The following KCNT1 variants were observed in gnomAD, a reference collection of about 807,000 sequenced individuals.
The protein encoded by KCNT1 is potassium sodium-activated channel subfamily T member 1, also known as potassium channel subfamily T member 1.
KCNT1 carries 78 observed loss-of-function variants against 147.8 expected under a neutral mutation model. The ratio of observed to expected loss-of-function variants is 0.53; its 90% CI spans 0.44 to 0.64. KCNT1 has a LOEUF of 0.64. Ranked by LOEUF, KCNT1 falls within the 30% of genes least tolerant of loss-of-function variation. The probability of loss-of-function intolerance (pLI) is 0.00; values close to 1 mark genes in which losing one functional copy is unlikely to be tolerated. For missense variants in KCNT1, 1,419 were observed against 1,750.3 expected, an observed-to-expected ratio of 0.81 and a Z score of 3.38; for synonymous variants, 867 against 748.8, an observed-to-expected ratio of 1.16 and a Z score of -2.58.
intron 20 of KCNT1, among the ~76,000 whole-genome samples, chr9:135,776,479 C>CTAG (rs1466895978): frequency 6.6e-6 from 1 of 152,176 alleles, no homozygotes; most frequent in East Asian, 1.9e-4. Context: ...GTTGCCCAGG[C>CTAG]TAGTCTCGAA....
At chr9:135,765,484 C>T in intron 12 of KCNT1, 140 bp from the exon 13 acceptor site, 1 of 1,027,312 alleles carries the variant, frequency 9.7e-7, no homozygotes, top group Middle Eastern at 3.3e-4. Context: ...GGGGGCCCCT[C>T]TTTTCCCTCC....
chr9:135,786,522 G>GT lies in KCNT1; in HGVS notation c.3502+2dup, dbSNP rs1336283260. On this transcript the variant is annotated splice_donor_variant, in intron 29 of 30. Coordinates refer to ENST00000371757, the MANE Select transcript of KCNT1 (RefSeq NM_020822.3). LOFTEE classifies it high-confidence loss of function. ...CTGGGGCTGCCCACCACCGGCTACGGTAAGGGCACACGGCGCGGGTGGGGG... is the reference window on the plus strand; with the variant it reads ...CTGGGGCTGCCCACCACCGGCTACGGTTAAGGGCACACGGCGCGGGTGGGGG... 1 of 1,588,926 alleles carries GT rather than the reference G, an allele frequency of 6.3e-7. No homozygotes were observed. The highest frequency in any genetic ancestry group is 8.5e-7 in the Non-Finnish European group (1 of 1,171,258).
intron 3 of KCNT1, among the ~76,000 whole-genome samples, 172 bp downstream of exon 3, chr9:135,750,349 G>C (rs549471050): frequency 6.6e-6 from 1 of 152,206 alleles, no homozygotes; most frequent in Non-Finnish European, 1.5e-5. Context: ...GGTCTGCATG[G>C]TGAGTGGGGC....
chr9:135,755,190 C>A lies in KCNT1; in HGVS notation c.540+21C>A, dbSNP rs372001826. On this transcript the variant is annotated intron_variant, in intron 6 of 30. Transcript: ENST00000371757. Reference sequence around the variant, plus strand: ...TCCAGGTGAGTGCCCTACCCTGCCCCCCTCCCGACTGCAGTGGTGCTCAGT... The same window carrying A: ...TCCAGGTGAGTGCCCTACCCTGCCCACCTCCCGACTGCAGTGGTGCTCAGT... 1.9e-5 allele frequency: 31 copies of A among 1,599,664 alleles called. No homozygotes were observed. The African/African-American group carries it at 4.2e-4, about 22-fold the overall frequency.
Position 135,759,520 on chromosome 9 carries a change from G to GCCTGA in KCNT1, c.855-158_855-154dup, listed in dbSNP as rs1236780018. Reference sequence around the variant, plus strand: ...TGGGGACAGATGGGCAGGGCTGAGGGCCTGATGCCACCCAGCTGTCAGGAG... The same window carrying GCCTGA: ...TGGGGACAGATGGGCAGGGCTGAGGGCCTGACCTGATGCCACCCAGCTGTCAGGAG... On this transcript the variant is annotated intron_variant, in intron 10 of 30. Coordinates refer to ENST00000371757, the MANE Select transcript of KCNT1 (RefSeq NM_020822.3). 1.2e-5 allele frequency: 8 copies of GCCTGA among 664,898 alleles called. No individual in the cohort carries two copies. In the African/African-American group the frequency reaches 1.5e-4, roughly 13 times the overall value. The allele number at this position is 664,898 out of a possible 1,614,324, so 41.2% of individuals were successfully genotyped here.
chr9:135,784,169 C>A lies in KCNT1; in HGVS notation c.2943+44C>A. ...GCAGGAGGGTGGCGCCTGGGTGGGACCCCCGTCATGCCCTCAGCTCTTCAG... is the reference window on the plus strand; with the variant it reads ...GCAGGAGGGTGGCGCCTGGGTGGGAACCCCGTCATGCCCTCAGCTCTTCAG... On this transcript the variant is annotated intron_variant, in intron 25 of 30. Transcript: ENST00000371757. 3 of 1,442,890 alleles carry A rather than the reference C, an allele frequency of 2.1e-6. No individual in the cohort carries two copies. The South Asian group carries it at 3.4e-5, about 16-fold the overall frequency. 89.4% of individuals were successfully genotyped at this position (1,442,890 alleles called of 1,614,324 possible).
At chr9:135,769,156 G>T (rs1378511803) in intron 15 of KCNT1, among the ~76,000 whole-genome samples, 7 of 104,354 alleles carry the variant, frequency 6.7e-5, no homozygotes, top group East Asian at 2.2e-4. Flanking sequence ...TGCACACGTG[G>T]GTGACGGTGC....
At chr9:135,745,876 C>T (rs1388286856) in intron 2 of KCNT1, among the ~76,000 whole-genome samples, 3 of 152,224 alleles carry the variant, frequency 2.0e-5, no homozygotes, top group Non-Finnish European at 4.4e-5. Flanking sequence ...TAGCGGAGCC[C>T]TCCAGGCTAC....
intron 29 of KCNT1, chr9:135,788,247 G>A (rs1051452527): frequency 5.1e-6 from 6 of 1,176,616 alleles, no homozygotes; most frequent in Admixed American, 5.1e-5. Context: ...CGCCATCCCG[G>A]CCAGGCAGGT....
chr9:135,768,245 GGGGGGGGGGGGGCAC>G (rs1564366236), intron 13 of KCNT1, among the ~76,000 whole-genome samples: 4 of 40,058 alleles, frequency 1.0e-4, no homozygotes, highest in Non-Finnish European at 2.2e-4. Flanking sequence ...GCCTGCGGGG[GGGGGGGGGGGGGCAC>G]TGGGATACCG....
In KCNT1 at chr9:135,714,842, T is replaced by G. The variant is rs1459226338; in HGVS notation, c.254+122T>G. On this transcript the variant is annotated intron_variant, in intron 2 of 30. Transcript: ENST00000371757. The surrounding 1 kb of genome is among the most constrained non-coding windows in gnomAD (Gnocchi z 6.2). Reference sequence around the variant, plus strand: ...CCCGCAGCCGCCGGCGCCCTTCAACTTTTCCCGGCTTCTGGGGACGCAGAA... The same window carrying G: ...CCCGCAGCCGCCGGCGCCCTTCAACGTTTCCCGGCTTCTGGGGACGCAGAA... The G allele has an allele frequency of 1.6e-6, 1 of 645,086 alleles. No individual in the cohort carries two copies. The highest frequency in any genetic ancestry group is 2.0e-5 in the African/African-American group (1 of 50,638). The allele number at this position is 645,086 out of a possible 1,614,324, so 40.0% of individuals were successfully genotyped here. A position where few individuals can be genotyped will look rare whatever the true frequency, so the allele number is the denominator to read the frequency against.
At chr9:135,739,843 G>T (rs540737709) in intron 2 of KCNT1, among the ~76,000 whole-genome samples, 2 of 152,222 alleles carry the variant, frequency 1.3e-5, no homozygotes, top group Admixed American at 6.5e-5. Flanking sequence ...GCGTGCACAG[G>T]GAGTGCCCAG....
At chr9:135,725,621 C>A (rs554382966) in intron 2 of KCNT1, among the ~76,000 whole-genome samples, 1 of 152,144 alleles carries the variant, frequency 6.6e-6, no homozygotes, top group Non-Finnish European at 1.5e-5. Context: ...TGGTATTGAG[C>A]CCCAGGACAC....
chr9:135,788,224 G>C, intron 29 of KCNT1: 2 of 1,392,742 alleles, frequency 1.4e-6, no homozygotes, highest in African/African-American at 1.4e-5. Flanking sequence ...CTTCACCGCC[G>C]GCAGCCTTGC....
At chr9:135,723,085 G>A (rs898102460) in intron 2 of KCNT1, among the ~76,000 whole-genome samples, 3 of 152,210 alleles carry the variant, frequency 2.0e-5, no homozygotes, top group African/African-American at 7.2e-5. Context: ...TCACAACAGC[G>A]GCCACTGTGT....
At chr9:135,777,663 A>T (rs1461645892) in intron 21 of KCNT1, among the ~76,000 whole-genome samples, 153 bp downstream of exon 21, 1 of 148,198 alleles carries the variant, frequency 6.7e-6, no homozygotes, top group Non-Finnish European at 1.5e-5. Flanking sequence ...AAAAAGGGGG[A>T]CTCTCCTTCC....
intron 2 of KCNT1, among the ~76,000 whole-genome samples, chr9:135,739,024 G>C (rs550810100): frequency 1.6e-4 from 24 of 152,154 alleles, no homozygotes; most frequent in South Asian, 1.2e-3. Flanking sequence ...CCTGGACCTA[G>C]GCGGCCTTGC....
chr9:135,791,693 G>GGAAA, intron 29 of KCNT1, 104 bp from the exon 30 acceptor site: 1 of 989,984 alleles, frequency 1.0e-6, no homozygotes, highest in South Asian at 1.4e-5. Flanking sequence ...CAGGAAGGCC[G>GGAAA]GAAAGACTCA....
chr9:135,707,733 G>C (rs900930328), intron 1 of KCNT1, among the ~76,000 whole-genome samples: 11 of 152,200 alleles, frequency 7.2e-5, no homozygotes, highest in Non-Finnish European at 1.5e-4. Context: ...GGGTCCAGGG[G>C]TGATGGCCCC....
Sources: allele counts gnomAD v4.1 joint callset (sites outside exome capture counted in the v4.1 genomes callset), GRCh38; gene constraint gnomAD v4.1.1; non-coding constraint Gnocchi (gnomAD v3.1); transcripts MANE v1.5; gene names NCBI Gene and HGNC (gene_info 2026-07-23, HGNC 2026-07-21).